NFKB1: variants seen among roughly 807,000 people sequenced by gnomAD.
NFKB1 encodes nuclear factor kappa B subunit 1, also known as nuclear factor NF-kappa-B p105 subunit.
Under a neutral mutation model 105.1 loss-of-function variants are expected in NFKB1, and 9 were observed. The ratio of observed to expected loss-of-function variants is 0.09; its 90% confidence interval spans 0.05 to 0.15. The LOEUF (loss-of-function observed/expected upper bound fraction) is 0.15. Ranked by LOEUF, NFKB1 falls within the 10% of genes least tolerant of loss-of-function variation. The pLI is 1.00. For synonymous variants in NFKB1, 440 were observed against 442.2 expected (o/e 1.00, Z 0.06); for missense variants, 830 against 1,203.7 (o/e 0.69, Z 4.59).
chr4:102,610,718 G>C lies in NFKB1; in HGVS notation c.2352+19G>C. 6.2e-7 allele frequency: 1 copy of C among 1,612,484 alleles called. No homozygotes were observed. The highest frequency in any genetic ancestry group is 2.2e-5 in the East Asian group (1 of 44,850). On this transcript the variant is annotated intron_variant, in intron 20 of 23. Transcript: ENST00000226574. The stretch of plus-strand genomic sequence containing the variant: ...CTGGCAGGTGAGTGCCGCTCCATCT[G>C]TCTGATGGCTGCCCCTGAGGGAGTC...
intron 23 of NFKB1, among the ~76,000 whole-genome samples, chr4:102,613,827 A>C (rs1246073100): frequency 2.0e-5 from 3 of 152,176 alleles, no homozygotes; most frequent in African/African-American, 7.2e-5. Context: ...TAATACAATA[A>C]ATACTAAAAA....
rs540408917 is a variant in NFKB1 at position 102,513,576 on chromosome 4, A to G, written c.-8+11788A>G. ...TTCTCTAAGAAAATCCCTGTCCCCC[A>G]TGATTATAGTGAATATGATACAGCA... On this transcript the variant is annotated intron_variant, in intron 1 of 23. Coordinates refer to ENST00000226574, the MANE Select transcript of NFKB1 (RefSeq NM_003998.4). Among the ~76,000 whole-genome samples, 3 of 152,254 alleles carry G rather than the reference A, an allele frequency of 2.0e-5. No individual in the cohort carries two copies. In the South Asian group the frequency reaches 6.2e-4, roughly 32 times the overall value.
chr4:102,577,189 G>C, intron 7 of NFKB1, 150 bp downstream of exon 7: 1 of 764,660 alleles, frequency 1.3e-6, no homozygotes, highest in East Asian at 2.8e-5. Context: ...ATGGCATCCT[G>C]CTACTTCTAG....
chr4:102,583,524 G>C (rs943646832), intron 10 of NFKB1, among the ~76,000 whole-genome samples: 1 of 152,088 alleles, frequency 6.6e-6, no homozygotes, highest in Non-Finnish European at 1.5e-5. Flanking sequence ...TGCCCCACAG[G>C]TCCTTTAATG....
rs547389885 is a variant in NFKB1 at position 102,606,128 on chromosome 4, A to C, written c.1753-368A>C. ...ATGAAAATAACCCACCACAGAAAAA[A>C]TTGTAAGTATATGAAGTGATGGATT... On this transcript the variant is annotated intron_variant, in intron 16 of 23. Coordinates refer to ENST00000226574, the MANE Select transcript of NFKB1 (RefSeq NM_003998.4). Among the ~76,000 whole-genome samples the C allele has an allele frequency of 2.9e-3, 440 of 152,362 alleles. 3 individuals are homozygous for C. Among genetic ancestry groups the C allele is most frequent in the Middle Eastern group, 0.02 (6 of 294 alleles).
At chr4:102,544,682 A>T (rs762130552) in intron 5 of NFKB1, among the ~76,000 whole-genome samples, 1 of 152,184 alleles carries the variant, frequency 6.6e-6, no homozygotes, top group Non-Finnish European at 1.5e-5. Flanking sequence ...ACTTTGTAAA[A>T]TATTTTTTTA....
intron 9 of NFKB1, among the ~76,000 whole-genome samples, chr4:102,581,264 C>T (rs1725295611): frequency 1.3e-5 from 2 of 152,008 alleles, no homozygotes; most frequent in Non-Finnish European, 2.9e-5. Flanking sequence ...AAACTGCATT[C>T]TTTTTTTAAA....
chr4:102,616,506 A>G lies in NFKB1; in HGVS notation c.2822A>G (p.Glu941Gly). Residue 941 changes from glutamate (E) to glycine (G), a missense_variant, in exon 24 of 24, where the codon GAG (glutamate) becomes GGG (glycine). Glu to Gly is a moderately conservative substitution (Grantham distance 98, BLOSUM62 -2). Coordinates refer to ENST00000226574, the MANE Select transcript of NFKB1 (RefSeq NM_003998.4). ...ETSFRKLSFTESLTSGASLLT... is the reference protein window; with the variant it reads ...ETSFRKLSFTGSLTSGASLLT... ...TCCTTCCGCAAACTCAGCTTTACCG[A>G]GTCTCTGACCAGTGGTGCCTCACTG... The G allele has an allele frequency of 1.2e-6, 2 of 1,614,134 alleles. No homozygotes were observed. Among genetic ancestry groups the G allele is most frequent in the South Asian group, 2.2e-5 (2 of 91,064 alleles).
intron 5 of NFKB1, among the ~76,000 whole-genome samples, chr4:102,562,503 T>C (rs763772619): frequency 6.6e-6 from 1 of 152,130 alleles, no homozygotes; most frequent in Non-Finnish European, 1.5e-5. Context: ...GCTGAATAAA[T>C]AGAGAAATGT....
In NFKB1 at chr4:102,612,070, A is replaced by G. The variant is rs753933236; in HGVS notation, c.2379A>G (p.Pro793=). The G allele has an allele frequency of 7.4e-6, 12 of 1,614,020 alleles. No individual in the cohort carries two copies. Among genetic ancestry groups the G allele is most frequent in the Non-Finnish European group, 1.0e-5 (12 of 1,179,996 alleles). Residue 793 remains proline, a synonymous_variant, in exon 21 of 24, where the codon CCA becomes CCG. Transcript: ENST00000226574. ...WQVFDILNGK[P]YEPEFTSDDL... ...TATTTGACATATTAAATGGGAAACCATATGAGCCAGAGTTTACATCTGATG... is the reference window on the plus strand; with the variant it reads ...TATTTGACATATTAAATGGGAAACCGTATGAGCCAGAGTTTACATCTGATG...
chr4:102,534,486 T>C (rs1741509263), intron 4 of NFKB1, among the ~76,000 whole-genome samples: 1 of 152,004 alleles, frequency 6.6e-6, no homozygotes, highest in African/African-American at 2.4e-5. Context: ...ACCACTAGAG[T>C]CTGTAGAGAA....
Position 102,607,139 on chromosome 4 carries a change from T to C in NFKB1, c.1955-11T>C, listed in dbSNP as rs772172682. On this transcript the variant is annotated splice_polypyrimidine_tract_variant and intron_variant, in intron 17 of 23. Transcript: ENST00000226574. ...TCCCATCCTGTGACTGTCCCTTTGC[T>C]TGGACTCTAGGTCTGAATGCCATTC... The C allele has an allele frequency of 3.7e-6, 6 of 1,614,148 alleles. No individual in the cohort carries two copies. Among genetic ancestry groups the C allele is most frequent in the East Asian group, 2.2e-5 (1 of 44,882 alleles).
At chr4:102,507,483 G>A (rs983865354) in intron 1 of NFKB1, among the ~76,000 whole-genome samples, 1 of 150,378 alleles carries the variant, frequency 6.6e-6, no homozygotes, top group Admixed American at 6.6e-5. Context: ...TTTTTTTTCA[G>A]TAGAGATGGG....
At chr4:102,607,106 G>T in intron 17 of NFKB1, 44 bp from the exon 18 acceptor site, 1 of 1,605,748 alleles carries the variant, frequency 6.2e-7, no homozygotes, top group Non-Finnish European at 8.5e-7. Flanking sequence ...CATCTTGTGA[G>T]TTAGCCATCC....
chr4:102,518,316 C>A (rs1220212954), intron 1 of NFKB1, among the ~76,000 whole-genome samples: 1 of 152,132 alleles, frequency 6.6e-6, no homozygotes, highest in African/African-American at 2.4e-5. Flanking sequence ...AAAGTTTTAA[C>A]AGTTTTAATT....
chr4:102,565,665 TCCTCCCTCCCTCTCTC>T (rs1417421443), intron 5 of NFKB1, among the ~76,000 whole-genome samples: 5 of 152,050 alleles, frequency 3.3e-5, no homozygotes, highest in Non-Finnish European at 7.4e-5. Context: ...GTGATTCCCA[TCCTCCCTCCCTCTCTC>T]CCTCCCTCCC....
chr4:102,595,032 C>A, intron 13 of NFKB1, 51 bp downstream of exon 13: 2 of 1,265,398 alleles, frequency 1.6e-6, no homozygotes, highest in Non-Finnish European at 2.3e-6. Context: ...ATAATTAATG[C>A]TAAAAAGGGT....
At chr4:102,512,130 A>G (rs1348862628) in intron 1 of NFKB1, among the ~76,000 whole-genome samples, 1 of 152,218 alleles carries the variant, frequency 6.6e-6, no homozygotes, top group African/African-American at 2.4e-5. Flanking sequence ...AGTTGTTAGT[A>G]AAAAATAGAA....
chr4:102,602,311 A>G (rs1291480471), intron 16 of NFKB1, among the ~76,000 whole-genome samples: 2 of 151,758 alleles, frequency 1.3e-5, no homozygotes, highest in African/African-American at 4.8e-5. Flanking sequence ...CAGGCGGATC[A>G]TGAGATCAGG....
Sources: gnomAD v4.1 joint callset for allele counts (sites outside exome capture counted in the v4.1 genomes callset) on GRCh38, gnomAD v4.1.1 for gene constraint, MANE v1.5 for transcripts, NCBI Gene and HGNC (gene_info 2026-07-23, HGNC 2026-07-21) for gene names.